Variants in SHISA5 observed in about 807,000 individuals in gnomAD.
SHISA5 encodes protein shisa-5.
A neutral mutation model predicts 27.5 loss-of-function variants in SHISA5; 21 were observed. The observed-to-expected ratio is 0.76, with a 90% CI of 0.54 to 1.10. The LOEUF is 1.10. SHISA5 is among the 50% of genes least tolerant of loss of function. SHISA5 has a pLI of 0.00. For missense variants in SHISA5, 314 were observed against 336.3 expected, an observed-to-expected ratio of 0.93 and a Z score of 0.52; for synonymous variants, 137 against 142.2, an observed-to-expected ratio of 0.96 and a Z score of 0.26.
chr3:48,501,860 CTTTT>C (rs35527637), intron 1 of SHISA5, among the ~76,000 whole-genome samples: 8 of 133,090 alleles, frequency 6.0e-5, no homozygotes, highest in Non-Finnish European at 9.6e-5. Flanking sequence ...CCCTTTCTTT[CTTTT>C]TTTTTTTTTT....
chr3:48,481,284 CA>C (rs1398264080), intron 2 of SHISA5, among the ~76,000 whole-genome samples: 2 of 150,284 alleles, frequency 1.3e-5, no homozygotes, highest in Non-Finnish European at 3.0e-5. Flanking sequence ...ACTAAAAATA[CA>C]AAAAATTAGC....
At chr3:48,486,297 T>A (rs1218572236) in intron 2 of SHISA5, among the ~76,000 whole-genome samples, 1 of 2,830 alleles carries the variant, frequency 3.5e-4, no homozygotes, top group East Asian at 0.01. Flanking sequence ...GTATTATATA[T>A]TATATATTAT....
At chr3:48,492,702 AC>A (rs2041469940) in intron 2 of SHISA5, among the ~76,000 whole-genome samples, 1 of 147,830 alleles carries the variant, frequency 6.8e-6, no homozygotes, top group African/African-American at 2.7e-5. Flanking sequence ...GGACTTCTTA[AC>A]CTCAGATCCT....
intron 2 of SHISA5, among the ~76,000 whole-genome samples, chr3:48,490,961 A>C (rs546502754): frequency 5.3e-5 from 8 of 152,280 alleles, no homozygotes; most frequent in African/African-American, 1.9e-4. Context: ...TCTTTATCTT[A>C]ATCTGAACAT....
chr3:48,481,032 C>A (rs922178313), intron 2 of SHISA5, among the ~76,000 whole-genome samples: 1 of 151,618 alleles, frequency 6.6e-6, no homozygotes, highest in Non-Finnish European at 1.5e-5. Context: ...GTGGTGCAGG[C>A]GGCAGTGAGC....
intron 2 of SHISA5, among the ~76,000 whole-genome samples, chr3:48,487,583 A>T (rs1186982602): frequency 6.6e-6 from 1 of 152,094 alleles, no homozygotes; most frequent in East Asian, 1.9e-4. Context: ...CTGACCTTGT[A>T]TGTCTCACAC....
chr3:48,488,177 A>C (rs1032477860), intron 2 of SHISA5, among the ~76,000 whole-genome samples: 1 of 151,808 alleles, frequency 6.6e-6, no homozygotes, highest in Non-Finnish European at 1.5e-5. Context: ...TGAGCAATTC[A>C]GAGGAAAACT....
intron 2 of SHISA5, among the ~76,000 whole-genome samples, chr3:48,483,842 A>G (rs372009330): frequency 0.013 from 1,268 of 98,984 alleles, 13 homozygotes; most frequent in South Asian, 0.025. Flanking sequence ...CCTCCCGGAC[A>G]GGGCGGCTGG....
chr3:48,488,632 G>A (rs550214589), intron 2 of SHISA5, among the ~76,000 whole-genome samples: 7 of 150,944 alleles, frequency 4.6e-5, no homozygotes, highest in South Asian at 4.2e-4. Flanking sequence ...TCGGGAGTTC[G>A]AGACCAGCCT....
chr3:48,468,760 A>C lies in SHISA5; in HGVS notation c.*347T>G. On this transcript the variant is annotated 3_prime_UTR_variant, in exon 6 of 6. Coordinates refer to ENST00000296444, the MANE Select transcript of SHISA5 (RefSeq NM_016479.6). ...TGGTCACCCTAGGGTAAGCTGGAGA[A>C]GAACTCCAGATGTGCCCTGGAGAGG... The C allele has an allele frequency of 7.3e-7, 1 of 1,375,052 alleles. No individual in the cohort carries two copies. 85.2% of individuals were successfully genotyped at this position (1,375,052 alleles called of 1,614,324 possible).
At chr3:48,472,720 G>T (rs1421478312) in intron 3 of SHISA5, among the ~76,000 whole-genome samples, 1 of 151,982 alleles carries the variant, frequency 6.6e-6, no homozygotes, top group Non-Finnish European at 1.5e-5. Context: ...CACAACTTCA[G>T]CAGGGCCCCA....
At chr3:48,499,473 G>A (rs545187551) in intron 2 of SHISA5, among the ~76,000 whole-genome samples, 1 of 152,132 alleles carries the variant, frequency 6.6e-6, no homozygotes, top group African/African-American at 2.4e-5. Context: ...GAGGTCAGGA[G>A]TTCAAGACCA....
Position 48,504,079 on chromosome 3 carries a change from G to T in SHISA5, c.16C>A (p.Pro6Thr). 7.2e-7 allele frequency: 1 copy of T among 1,398,352 alleles called. No homozygotes were observed. The allele number at this position is 1,398,352 out of a possible 1,614,324, so 86.6% of individuals were successfully genotyped here. A position where few individuals can be genotyped will look rare whatever the true frequency, so the allele number is the denominator to read the frequency against. Residue 6 changes from proline to threonine, a missense_variant, in exon 1 of 6, where the codon CCC (proline) becomes ACC (threonine). Pro to Thr is a conservative substitution (Grantham distance 38, BLOSUM62 -1). Transcript: ENST00000296444. The surrounding 1 kb of genome is among the most constrained non-coding windows in gnomAD (Gnocchi z 4.0). MTAPV[P>T]APRILLPLLL... ...AACGGCAACAGGATCCGCGGCGCGG[G>T]GACCGGCGCAGTCATGGCTGGGCGG...
At chr3:48,483,836 C>T (rs1243814756) in intron 2 of SHISA5, among the ~76,000 whole-genome samples, 1 of 151,632 alleles carries the variant, frequency 6.6e-6, no homozygotes, top group African/African-American at 2.4e-5. Context: ...CACCTCCCTC[C>T]CGGACAGGGC....
At chr3:48,485,038 C>A (rs1427484237) in intron 2 of SHISA5, among the ~76,000 whole-genome samples, 1 of 151,576 alleles carries the variant, frequency 6.6e-6, no homozygotes, top group African/African-American at 2.4e-5. Flanking sequence ...ACAAAAAATA[C>A]AAAAGTTGGC....
chr3:48,483,796 G>A (rs1375602549), intron 2 of SHISA5, among the ~76,000 whole-genome samples: 3 of 150,200 alleles, frequency 2.0e-5, no homozygotes, highest in African/African-American at 7.3e-5. Flanking sequence ...CCCGGACGGG[G>A]CGGCTGGCCG....
At position 48,469,394 on chromosome 3, in the gene SHISA5, T is replaced by G; in HGVS notation, c.610A>C (p.Met204Leu). The G allele has an allele frequency of 6.2e-7, 1 of 1,601,062 alleles. No homozygotes were observed. Among genetic ancestry groups the G allele is most frequent in the Non-Finnish European group, 8.5e-7 (1 of 1,171,806 alleles). Residue 204 changes from methionine to leucine, a missense_variant, in exon 5 of 6, where the codon ATG becomes CTG. Physicochemically the swap from Met to Leu is conservative, Grantham distance 15. Transcript: ENST00000296444. The surrounding 1 kb of genome is among the most constrained non-coding windows in gnomAD (Gnocchi z 4.6). ...GTCTCGTGGTAGGCCGGTGGGCCCA[T>G]GGGCTGGGCTGGGTAAGGTGGTGGG... ...QYPPPYPAQPMGPPAYHETLA... is the reference protein window; with the variant it reads ...QYPPPYPAQPLGPPAYHETLA...
Position 48,469,353 on chromosome 3 carries a change from GCACTCACCAGCCAGGGT to G in SHISA5, c.634_643+7del. The G allele has an allele frequency of 6.3e-7, 1 of 1,578,284 alleles. No individual in the cohort carries two copies. The highest frequency in any genetic ancestry group is 8.6e-7 in the Non-Finnish European group (1 of 1,160,026). ...TCGGGCAGGGCTAGAGTTGGCAGGGGCACTCACCAGCCAGGGTCTCGTGGTAGGCCGGTGGGCCCATG... is the reference window on the plus strand; with the variant it reads ...TCGGGCAGGGCTAGAGTTGGCAGGGGCTCGTGGTAGGCCGGTGGGCCCATG... On this transcript the variant is annotated splice_donor_variant and splice_donor_5th_base_variant and coding_sequence_variant and intron_variant, in exon 5 of 6. Transcript: ENST00000296444. LOFTEE classifies it high-confidence loss of function. The surrounding 1 kb of genome is among the most constrained non-coding windows in gnomAD (Gnocchi z 4.6).
chr3:48,471,326 G>A (rs897475142), intron 3 of SHISA5, among the ~76,000 whole-genome samples: 44 of 152,154 alleles, frequency 2.9e-4, no homozygotes, highest in Admixed American at 9.8e-4. Flanking sequence ...GCTCATGCCT[G>A]TAATCCCAGC....
Sources: allele counts gnomAD v4.1 joint callset (sites outside exome capture counted in the v4.1 genomes callset), GRCh38; gene constraint gnomAD v4.1.1; non-coding constraint Gnocchi (gnomAD v3.1); transcripts MANE v1.5; gene names NCBI Gene and HGNC (gene_info 2026-07-23, HGNC 2026-07-21).